Variants in RUSC2 observed in about 807,000 individuals in gnomAD.
RUSC2 encodes RUN and SH3 domain containing 2.
In RUSC2, 34 loss-of-function variants were observed where a neutral mutation model predicts 122.2. The observed-to-expected ratio is 0.28, with a 90% CI of 0.21 to 0.37. The LOEUF (loss-of-function observed/expected upper bound fraction) is 0.37. Among genes scored for constraint, RUSC2 ranks in the 10% least tolerant of loss-of-function variants. The pLI is 1.00. For synonymous variants in RUSC2, 784 were observed against 790.0 expected (o/e 0.99, Z 0.13); for missense variants, 1,747 against 1,952.4 (o/e 0.89, Z 1.98).
intron 1 of RUSC2, among the ~76,000 whole-genome samples, chr9:35,491,009 G>T (rs964708702): frequency 6.6e-6 from 1 of 151,924 alleles, no homozygotes; most frequent in African/African-American, 2.4e-5. Flanking sequence ...ATTGAGCAGC[G>T]GAGGAATGAA....
At chr9:35,517,220 T>A (rs1821125580) in intron 1 of RUSC2, among the ~76,000 whole-genome samples, 1 of 152,174 alleles carries the variant, frequency 6.6e-6, no homozygotes, top group African/African-American at 2.4e-5. Context: ...GGGTAGAGAC[T>A]TACAGAAAAA....
chr9:35,539,547 C>G (rs1006630967), intron 1 of RUSC2, among the ~76,000 whole-genome samples: 1 of 139,196 alleles, frequency 7.2e-6, no homozygotes. Context: ...AAACCTTTCT[C>G]TCCACACACA....
rs553593230 is a variant in RUSC2, at chr9:35,502,719, G to T, written c.-93+12547G>T. ...GGCCAAAATTTTAGCAGTTGTATAA[G>T]AAATCTATGTTTGAATGAGCCATAA... On this transcript the variant is annotated intron_variant, in intron 1 of 11. Transcript: ENST00000361226. Among the ~76,000 whole-genome samples the T allele has an allele frequency of 2.2e-4, 34 of 152,242 alleles. No individual in the cohort carries two copies. In the East Asian group the frequency reaches 4.6e-3, roughly 21 times the overall value.
chr9:35,541,248 C>G (rs765556666), intron 1 of RUSC2, among the ~76,000 whole-genome samples: 1 of 151,970 alleles, frequency 6.6e-6, no homozygotes, highest in Admixed American at 6.6e-5. Context: ...CTGTTTCTCC[C>G]CCATCCTCAT....
Position 35,561,199 on chromosome 9 carries a change from C to A in RUSC2, c.4368C>A (p.Cys1456Ter), listed in dbSNP as rs1166100650. Residue 1456 changes from cysteine (C) to a stop codon, truncating the protein, a stop_gained, in exon 12 of 12, where the codon TGC becomes TGA. Coordinates refer to ENST00000361226, the MANE Select transcript of RUSC2 (RefSeq NM_014806.5). LOFTEE classifies it high-confidence loss of function. ...SSPPCEVQALCHHLATGPGQL... is the reference protein window; with the variant it reads ...SSPPCEVQAL ...TCCCCAGTGAGGTGCAGGCACTGTG[C>A]CACCACCTGGCCACCGGCCCTGGAC... The A allele has an allele frequency of 1.2e-6, 2 of 1,613,954 alleles. No individual in the cohort carries two copies. Among genetic ancestry groups the A allele is most frequent in the Non-Finnish European group, 1.7e-6 (2 of 1,180,010 alleles).
chr9:35,560,873 G>A, intron 10 of RUSC2, 22 bp downstream of exon 10: 1 of 1,557,794 alleles, frequency 6.4e-7, no homozygotes, highest in East Asian at 2.3e-5. Flanking sequence ...CCCATGGTAG[G>A]GATGGAGGGA....
chr9:35,499,527 C>T (rs1436802059), intron 1 of RUSC2, among the ~76,000 whole-genome samples: 1 of 152,070 alleles, frequency 6.6e-6, no homozygotes, highest in African/African-American at 2.4e-5. Context: ...GTGTGAGTTC[C>T]TGCAGACAAG....
chr9:35,547,228 C>A lies in RUSC2; in HGVS notation c.707C>A (p.Ser236Tyr), dbSNP rs1821769489. 1 of 1,614,170 alleles carries A rather than the reference C, an allele frequency of 6.2e-7. No individual in the cohort carries two copies. The highest frequency in any genetic ancestry group is 8.5e-7 in the Non-Finnish European group (1 of 1,180,030). ...GAATGGAAGCTCAGTTCAGATGAAT[C>A]CCCAAGGAACCCTGGATGCTCCGGC... ...DQEWKLSSDESPRNPGCSGSG... is the reference protein window; with the variant it reads ...DQEWKLSSDEYPRNPGCSGSG... Residue 236 changes from serine to tyrosine, a missense_variant, in exon 2 of 12, where the codon TCC (serine) becomes TAC (tyrosine). Ser to Tyr is a moderately radical substitution (Grantham distance 144). Transcript: ENST00000361226. This position sits in a 1 kb window ranked among gnomAD's most constrained non-coding sequence, Gnocchi z 4.6.
rs1587871773 is a variant in RUSC2, at chr9:35,559,423, T to C, written c.3388+151T>C. 3 of 696,642 alleles carry C rather than the reference T, an allele frequency of 4.3e-6. No homozygotes were observed. The East Asian group carries it at 8.2e-5, about 19-fold the overall frequency. The allele number at this position is 696,642 out of a possible 1,614,324, so 43.2% of individuals were successfully genotyped here. A position where few individuals can be genotyped will look rare whatever the true frequency, so the allele number is the denominator to read the frequency against. On this transcript the variant is annotated intron_variant, in intron 9 of 11. Coordinates refer to ENST00000361226, the MANE Select transcript of RUSC2 (RefSeq NM_014806.5). Reference sequence around the variant, plus strand: ...AGCCTCAGGCTTCCACCCAAGGCCTTCCCCAGCCTCTGCTTGAGTTAAAAC... The same window carrying C: ...AGCCTCAGGCTTCCACCCAAGGCCTCCCCCAGCCTCTGCTTGAGTTAAAAC...
intron 1 of RUSC2, among the ~76,000 whole-genome samples, chr9:35,529,537 C>T (rs1229366300): frequency 1.3e-5 from 2 of 149,880 alleles, no homozygotes; most frequent in East Asian, 3.9e-4. Context: ...CTAGATGTGA[C>T]AGTCAGTCTG....
At position 35,554,676 on chromosome 9, in the gene RUSC2, T is replaced by C. The variant is rs564646061; in HGVS notation, c.2015-384T>C. 3.3e-5 allele frequency among the ~76,000 whole-genome samples: 5 copies of C among 152,308 alleles called. No individual in the cohort carries two copies. In the South Asian group the frequency reaches 1.0e-3, roughly 32 times the overall value. On this transcript the variant is annotated intron_variant, in intron 2 of 11. Transcript: ENST00000361226. ...GTGAAAGCAGAACTATAAAGCAGAA[T>C]GATCTGGAGATGAAGAGGAAGGTCC... is the stretch of plus-strand genomic sequence containing the variant.
intron 1 of RUSC2, among the ~76,000 whole-genome samples, chr9:35,543,659 G>A (rs970999804): frequency 1.3e-5 from 2 of 152,140 alleles, no homozygotes; most frequent in Non-Finnish European, 2.9e-5. Flanking sequence ...AGTAGAGACA[G>A]GGCTTCACCA....
At chr9:35,490,528 C>G (rs865865775) in intron 1 of RUSC2, among the ~76,000 whole-genome samples, 22 of 152,162 alleles carry the variant, frequency 1.4e-4, no homozygotes, top group African/African-American at 5.3e-4. Context: ...CGACTCGCGC[C>G]CAGTAGTCAC....
chr9:35,560,593 G>C lies in RUSC2; in HGVS notation c.3953G>C (p.Arg1318Pro). Reference protein sequence around the residue: ...GGGPPQAPPPREGVVEGAEAC... With the variant: ...GGGPPQAPPPPEGVVEGAEAC... ...GGACCTCCCCAGGCTCCACCACCCCGAGAGGGAGTAGTGGAGGGGGCTGAG... is the reference window on the plus strand; with the variant it reads ...GGACCTCCCCAGGCTCCACCACCCCCAGAGGGAGTAGTGGAGGGGGCTGAG... The change falls in exon 10 of 12, where the codon CGA becomes CCA. Residue 1318 changes from arginine (R) to proline (P), a missense_variant. Transcript: ENST00000361226. 6.2e-7 allele frequency: 1 copy of C among 1,613,562 alleles called. No individual in the cohort carries two copies. The highest frequency in any genetic ancestry group is 8.5e-7 in the Non-Finnish European group (1 of 1,179,732).
At chr9:35,537,355 G>A (rs1188265544) in intron 1 of RUSC2, among the ~76,000 whole-genome samples, 3 of 152,182 alleles carry the variant, frequency 2.0e-5, no homozygotes, top group African/African-American at 7.2e-5. Context: ...ATCCAACCCC[G>A]CTTTGTGGTA....
chr9:35,522,499 C>G (rs963900868), intron 1 of RUSC2, among the ~76,000 whole-genome samples: 4 of 152,186 alleles, frequency 2.6e-5, no homozygotes, highest in African/African-American at 9.7e-5. Flanking sequence ...CACCCTGAAA[C>G]TTTCTTTTTG....
At chr9:35,501,085 C>CT (rs1444396106) in intron 1 of RUSC2, among the ~76,000 whole-genome samples, 2 of 152,148 alleles carry the variant, frequency 1.3e-5, no homozygotes, top group African/African-American at 4.8e-5. Context: ...GAATTTCAAA[C>CT]TTTTTTTAAA....
At chr9:35,513,232 G>GTTGTTT (rs3068479) in intron 1 of RUSC2, among the ~76,000 whole-genome samples, 1 of 150,728 alleles carries the variant, frequency 6.6e-6, no homozygotes, top group Non-Finnish European at 1.5e-5. Flanking sequence ...TGTTGTTGTT[G>GTTGTTT]CTTGAGACAG....
chr9:35,539,926 A>G (rs755134755), intron 1 of RUSC2, among the ~76,000 whole-genome samples: 3 of 152,186 alleles, frequency 2.0e-5, no homozygotes, highest in Non-Finnish European at 2.9e-5. Context: ...GAGAAGAGCA[A>G]TTGAAGACCA....
Sources: gnomAD v4.1 joint callset for allele counts (sites outside exome capture counted in the v4.1 genomes callset) on GRCh38, gnomAD v4.1.1 for gene constraint, Gnocchi (gnomAD v3.1) non-coding constraint, MANE v1.5 for transcripts, NCBI Gene and HGNC (gene_info 2026-07-23, HGNC 2026-07-21) for gene names.